ESCO1: variants seen among roughly 807,000 people sequenced by gnomAD.
The protein encoded by ESCO1 is establishment of sister chromatid cohesion N-acetyltransferase 1, also known as N-acetyltransferase ESCO1.
Under a neutral mutation model 83.5 loss-of-function variants are expected in ESCO1, and 33 were observed. The observed-to-expected ratio is 0.40, with a 90% CI of 0.30 to 0.53. The LOEUF (loss-of-function observed/expected upper bound fraction) is 0.53. Ranked by LOEUF, ESCO1 falls within the 20% of genes least tolerant of loss-of-function variation. ESCO1 has a pLI of 0.63. For missense variants in ESCO1, 855 were observed against 968.0 expected, an observed-to-expected ratio of 0.88 and a Z score of 1.55; for synonymous variants, 332 against 324.3, an observed-to-expected ratio of 1.02 and a Z score of -0.25.
At chr18:21,543,240 C>T (rs2037929267) in intron 8 of ESCO1, among the ~76,000 whole-genome samples, 1 of 152,056 alleles carries the variant, frequency 6.6e-6, no homozygotes, top group Admixed American at 6.6e-5. Flanking sequence ...CTGCAACCTC[C>T]GCCTCCCGGG....
At chr18:21,599,592 A>G (rs988436333) in intron 1 of ESCO1, among the ~76,000 whole-genome samples, 39 of 152,126 alleles carry the variant, frequency 2.6e-4, no homozygotes, top group African/African-American at 8.9e-4. Flanking sequence ...GTTTTGTAAT[A>G]CTATCTAGAT....
intron 6 of ESCO1, 29 bp downstream of exon 6, chr18:21,566,117 T>G (rs2038256157): frequency 1.3e-6 from 2 of 1,599,250 alleles, no homozygotes; most frequent in East Asian, 4.5e-5. Flanking sequence ...TTAAAATCCT[T>G]AAGCTCTAAA....
intron 2 of ESCO1, among the ~76,000 whole-genome samples, chr18:21,580,764 C>T (rs1446561057): frequency 3.3e-5 from 5 of 152,050 alleles, no homozygotes; most frequent in African/African-American, 1.2e-4. Context: ...CCAAGGCAGG[C>T]GGATCTCCTG....
intron 1 of ESCO1, among the ~76,000 whole-genome samples, chr18:21,600,322 G>A (rs1450668903): frequency 6.6e-6 from 1 of 152,268 alleles, no homozygotes; most frequent in Non-Finnish European, 1.5e-5. Flanking sequence ...CTCCGGCCCT[G>A]CCCCGTCGGC....
At chr18:21,547,554 T>C (rs1316483554) in intron 8 of ESCO1, among the ~76,000 whole-genome samples, 2 of 152,254 alleles carry the variant, frequency 1.3e-5, no homozygotes, top group Admixed American at 6.5e-5. Context: ...CAATAAAGTA[T>C]ATGCTTGAAA....
At chr18:21,599,527 C>T (rs139864362) in intron 1 of ESCO1, among the ~76,000 whole-genome samples, 266 of 152,268 alleles carry the variant, frequency 1.7e-3, no homozygotes, top group Middle Eastern at 3.4e-3. Flanking sequence ...CTAACCACAC[C>T]TTATGCCACC....
chr18:21,595,662 C>T (rs527392587), intron 1 of ESCO1, among the ~76,000 whole-genome samples: 2 of 140,184 alleles, frequency 1.4e-5, no homozygotes, highest in Admixed American at 7.5e-5. Context: ...AGCGAGACTC[C>T]GACTCCAAAA....
chr18:21,545,617 T>C (rs2037963999), intron 8 of ESCO1, among the ~76,000 whole-genome samples: 1 of 150,662 alleles, frequency 6.6e-6, no homozygotes, highest in Non-Finnish European at 1.5e-5. Context: ...AAAATAGGCA[T>C]TTCAATAGTA....
At chr18:21,572,714 C>T (rs2038356356) in intron 4 of ESCO1, among the ~76,000 whole-genome samples, 1 of 152,092 alleles carries the variant, frequency 6.6e-6, no homozygotes, top group Admixed American at 6.6e-5. Flanking sequence ...CCTGTAATCC[C>T]AGCACTTTGG....
chr18:21,583,086 G>A lies in ESCO1; in HGVS notation c.-694+1224C>T, dbSNP rs1232795222. 2.6e-5 allele frequency among the ~76,000 whole-genome samples: 4 copies of A among 152,130 alleles called. No homozygotes were observed. In the East Asian group the frequency reaches 5.8e-4, roughly 22 times the overall value. ...AATCCCAGCTACTCAGGAGGCTGAG[G>A]CAGGAGAACTGCTAGAACCCAAGAG... is the stretch of plus-strand genomic sequence containing the variant. On this transcript the variant is annotated intron_variant, in intron 2 of 11. Transcript: ENST00000269214.
chr18:21,590,406 G>A (rs2038648387), intron 1 of ESCO1, among the ~76,000 whole-genome samples: 2 of 150,274 alleles, frequency 1.3e-5, no homozygotes, highest in Admixed American at 1.3e-4. Context: ...ATTTTTAGTA[G>A]AGATGGGGTT....
chr18:21,571,173 T>C (rs932578748), intron 4 of ESCO1, among the ~76,000 whole-genome samples: 1 of 152,144 alleles, frequency 6.6e-6, no homozygotes, highest in African/African-American at 2.4e-5. Flanking sequence ...ATTTTTAACA[T>C]AGCAACAAGT....
At chr18:21,539,874 C>T (rs2037881967) in intron 9 of ESCO1, 46 bp downstream of exon 9, 3 of 1,517,568 alleles carry the variant, frequency 2.0e-6, no homozygotes, top group African/African-American at 1.4e-5. Context: ...AAATTAACTG[C>T]AAAATGATAT....
rs530277173 is a variant in ESCO1 at position 21,538,002 on chromosome 18, T to TA, written c.2044-1818dup. Among the ~76,000 whole-genome samples the TA allele has an allele frequency of 2.5e-3, 344 of 136,738 alleles. 1 individual carries two copies. The highest frequency in any genetic ancestry group is 4.5e-3 in the African/African-American group (166 of 37,214). The allele number at this position is 136,738 out of a possible 152,430, so 89.7% of individuals were successfully genotyped here. On this transcript the variant is annotated intron_variant, in intron 9 of 11. Transcript: ENST00000269214. ...AGATGAACCATGTAGCCTAGAAACA[T>TA]AAAAAAAAAAAAATCAAGAAAAGGT...
At chr18:21,581,187 C>T (rs913846320) in intron 2 of ESCO1, among the ~76,000 whole-genome samples, 14 of 151,744 alleles carry the variant, frequency 9.2e-5, no homozygotes, top group African/African-American at 3.4e-4. Flanking sequence ...GTGGCGGGTG[C>T]CTGTAGTCCC....
At chr18:21,578,697 G>GA (rs201655061) in intron 2 of ESCO1, among the ~76,000 whole-genome samples, 9 of 150,512 alleles carry the variant, frequency 6.0e-5, no homozygotes, top group African/African-American at 9.8e-5. Flanking sequence ...CGAAAAAAAA[G>GA]AAAAAAAAAA....
rs976658112 is a variant in ESCO1, at chr18:21,586,350, C to A, written c.-824-1910G>T. On this transcript the variant is annotated intron_variant, in intron 1 of 11. Coordinates refer to ENST00000269214, the MANE Select transcript of ESCO1 (RefSeq NM_052911.3). ...CCAGTTTTATCCATGTTGCTGCAGA[C>A]AAGATTTCATATTTTTATGGCTGAA... Among the ~76,000 whole-genome samples, 5 of 152,294 alleles carry A rather than the reference C, an allele frequency of 3.3e-5. No homozygotes were observed. In the South Asian group the frequency reaches 1.0e-3, roughly 32 times the overall value.
chr18:21,564,006 T>C (rs1342185529), intron 7 of ESCO1, among the ~76,000 whole-genome samples, 197 bp downstream of exon 7: 1 of 151,708 alleles, frequency 6.6e-6, no homozygotes, highest in Non-Finnish European at 1.5e-5. Context: ...ATGAGCTCAC[T>C]CCCTTTCTGC....
At chr18:21,546,155 A>G (rs2037971182) in intron 8 of ESCO1, among the ~76,000 whole-genome samples, 1 of 152,216 alleles carries the variant, frequency 6.6e-6, no homozygotes, top group Admixed American at 6.5e-5. Context: ...AAAAATCAGA[A>G]AAACCTAAAA....
Sources: gnomAD v4.1 joint callset for allele counts (sites outside exome capture counted in the v4.1 genomes callset) on GRCh38, gnomAD v4.1.1 for gene constraint, MANE v1.5 for transcripts, NCBI Gene and HGNC (gene_info 2026-07-23, HGNC 2026-07-21) for gene names.